ADCK1: variants seen among roughly 807,000 people sequenced by gnomAD.
ADCK1 encodes aarF domain containing kinase 1.
A neutral mutation model predicts 52.3 loss-of-function variants in ADCK1; 41 were observed. That is an observed-to-expected ratio of 0.78 (90% CI 0.61 to 1.02). The LOEUF is 1.02. Ranked by LOEUF, ADCK1 falls within the 50% of genes least tolerant of loss-of-function variation. The pLI is 0.00. For synonymous variants in ADCK1, 250 were observed against 274.6 expected, an observed-to-expected ratio of 0.91 and a Z score of 0.89; for missense variants, 658 against 679.5, an observed-to-expected ratio of 0.97 and a Z score of 0.35.
intron 4 of ADCK1, among the ~76,000 whole-genome samples, chr14:77,881,325 G>A (rs527825583): frequency 1.3e-5 from 2 of 152,294 alleles, no homozygotes; most frequent in South Asian, 2.1e-4. Context: ...CCATGCCGTG[G>A]CAGCTCACTT....
chr14:77,813,711 A>C (rs2081381483), intron 1 of ADCK1, among the ~76,000 whole-genome samples: 1 of 152,056 alleles, frequency 6.6e-6, no homozygotes, highest in African/African-American at 2.4e-5. Flanking sequence ...TTTTTGGGGA[A>C]TATTCACTGA....
chr14:77,847,883 T>G (rs1212439286), intron 3 of ADCK1, among the ~76,000 whole-genome samples: 3 of 152,162 alleles, frequency 2.0e-5, no homozygotes, highest in Admixed American at 6.5e-5. Context: ...TTTTCTGGCT[T>G]ACTGGAACAG....
At chr14:77,924,330 C>G in intron 7 of ADCK1, 127 bp from the exon 8 acceptor site, 1 of 1,265,268 alleles carries the variant, frequency 7.9e-7, no homozygotes, top group Non-Finnish European at 1.1e-6. Flanking sequence ...ACTCCCACCA[C>G]AACCGCTCCG....
At chr14:77,810,722 G>A (rs1184446331) in intron 1 of ADCK1, among the ~76,000 whole-genome samples, 13 of 151,940 alleles carry the variant, frequency 8.6e-5, no homozygotes, top group Non-Finnish European at 1.0e-4. Context: ...TAGTAGAGAC[G>A]GGGTTTCACC....
chr14:77,818,529 A>G (rs2081511857), intron 1 of ADCK1, among the ~76,000 whole-genome samples: 1 of 152,052 alleles, frequency 6.6e-6, no homozygotes, highest in South Asian at 2.1e-4. Context: ...TGATCTGCAC[A>G]CCTTGGCCTC....
chr14:77,897,366 A>G (rs1178298137), intron 5 of ADCK1, among the ~76,000 whole-genome samples: 2 of 152,040 alleles, frequency 1.3e-5, no homozygotes, highest in Non-Finnish European at 2.9e-5. Context: ...CTCACCCACT[A>G]CAGAGCCATC....
Position 77,823,659 on chromosome 14 carries a change from G to A in ADCK1, c.219+1141G>A, listed in dbSNP as rs1468062291. On this transcript the variant is annotated intron_variant, in intron 3 of 10. Coordinates refer to ENST00000238561, the MANE Select transcript of ADCK1 (RefSeq NM_020421.4). ...GTGATCTCGGCTCATTGCAACCTCC[G>A]TTTCCTGGATTCAAGTGATTCTCCT... Among the ~76,000 whole-genome samples, 4 of 150,510 alleles carry A rather than the reference G, an allele frequency of 2.7e-5. No homozygotes were observed. The Admixed American group carries it at 2.7e-4, about 10-fold the overall frequency.
At chr14:77,927,373 T>C (rs913467028) in intron 9 of ADCK1, among the ~76,000 whole-genome samples, 4 of 152,210 alleles carry the variant, frequency 2.6e-5, no homozygotes, top group Non-Finnish European at 4.4e-5. Context: ...ATAGGGATGA[T>C]AAGGATAATT....
intron 4 of ADCK1, among the ~76,000 whole-genome samples, chr14:77,879,755 T>C (rs2082980535): frequency 6.6e-6 from 1 of 151,824 alleles, no homozygotes; most frequent in South Asian, 2.1e-4. Flanking sequence ...TCTGGGGAAA[T>C]GAGGGTGGTG....
At chr14:77,805,416 C>T (rs2081202760) in intron 1 of ADCK1, among the ~76,000 whole-genome samples, 1 of 151,526 alleles carries the variant, frequency 6.6e-6, no homozygotes, top group Non-Finnish European at 1.5e-5. Flanking sequence ...CACCTGCCAC[C>T]ACACTTGGCT....
At chr14:77,866,562 C>A (rs1297624569) in intron 4 of ADCK1, among the ~76,000 whole-genome samples, 1 of 152,166 alleles carries the variant, frequency 6.6e-6, no homozygotes, top group Non-Finnish European at 1.5e-5. Flanking sequence ...CCTTTGGCAG[C>A]TCTCCTCTGG....
At chr14:77,906,929 T>C (rs747397229) in intron 6 of ADCK1, among the ~76,000 whole-genome samples, 17 of 152,296 alleles carry the variant, frequency 1.1e-4, no homozygotes, top group African/African-American at 4.1e-4. Context: ...TTTTATTTGT[T>C]TGTTTGTTTT....
intron 2 of ADCK1, among the ~76,000 whole-genome samples, chr14:77,819,632 G>C (rs2081539216): frequency 6.6e-6 from 1 of 152,174 alleles, no homozygotes. Context: ...CAGAGAACCT[G>C]AGTTGAATAT....
At chr14:77,922,241 A>G (rs1404918845) in intron 7 of ADCK1, among the ~76,000 whole-genome samples, 1 of 152,126 alleles carries the variant, frequency 6.6e-6, no homozygotes, top group Non-Finnish European at 1.5e-5. Flanking sequence ...AGGGAAGCAG[A>G]CAGTGGTGGC....
At chr14:77,874,556 T>C (rs561949806) in intron 4 of ADCK1, among the ~76,000 whole-genome samples, 42 of 152,070 alleles carry the variant, frequency 2.8e-4, no homozygotes, top group African/African-American at 9.4e-4. Context: ...CAGGCTGGGG[T>C]GGGGCAGGTG....
At chr14:77,852,673 A>T (rs1335677040) in intron 3 of ADCK1, among the ~76,000 whole-genome samples, 1 of 18,132 alleles carries the variant, frequency 5.5e-5, no homozygotes, top group African/African-American at 1.5e-4. Flanking sequence ...ATATATATAT[A>T]TATATATATA....
chr14:77,899,257 A>G lies in ADCK1; in HGVS notation c.740A>G (p.Lys247Arg). 6.2e-7 allele frequency: 1 copy of G among 1,614,048 alleles called. No individual in the cohort carries two copies. Among genetic ancestry groups the G allele is most frequent in the Non-Finnish European group, 8.5e-7 (1 of 1,179,950 alleles). Reference protein sequence around the residue: ...SQMLRHFDFLKVPRIHWDLST... With the variant: ...SQMLRHFDFLRVPRIHWDLST... ...ATGCTCAGGCATTTTGACTTCTTGA[A>G]GGTAGGTGGGACGATGCAATGCAGG... Residue 247 changes from lysine (K) to arginine (R), a missense_variant and splice_region_variant, in exon 6 of 11, where the codon AAG becomes AGG. Transcript: ENST00000238561.
intron 6 of ADCK1, among the ~76,000 whole-genome samples, chr14:77,901,281 C>T (rs914361394): frequency 6.6e-6 from 1 of 151,496 alleles, no homozygotes; most frequent in Non-Finnish European, 1.5e-5. Context: ...AACTCCCGAC[C>T]TCAAATGATT....
chr14:77,870,297 C>T (rs4903663), intron 4 of ADCK1, among the ~76,000 whole-genome samples: 57,719 of 152,142 alleles, frequency 0.38, 11,740 homozygotes, highest in Admixed American at 0.51. Context: ...CCACTCTTCC[C>T]GCTATGCAGC....
Sources: gnomAD v4.1 joint callset for allele counts (sites outside exome capture counted in the v4.1 genomes callset) on GRCh38, gnomAD v4.1.1 for gene constraint, MANE v1.5 for transcripts, NCBI Gene and HGNC (gene_info 2026-07-23, HGNC 2026-07-21) for gene names.